Variants in CHST9 observed in about 807,000 individuals in gnomAD.
CHST9 encodes the protein carbohydrate sulfotransferase 9, also known as GalNAc-4-sulfotransferase 2.
A neutral mutation model predicts 44.4 loss-of-function variants in CHST9; 41 were observed. The observed-to-expected ratio is 0.92, with a 90% CI of 0.72 to 1.20. The LOEUF is 1.20. Ranked by LOEUF, CHST9 falls within the 50% of genes most tolerant of loss-of-function variation. CHST9 has a pLI of 0.00. For missense variants in CHST9, 504 were observed against 516.5 expected (o/e 0.98, Z 0.23); for synonymous variants, 171 against 178.4 (o/e 0.96, Z 0.33).
intron 2 of CHST9, among the ~76,000 whole-genome samples, chr18:27,071,058 C>T (rs1418614224): frequency 2.0e-5 from 3 of 152,234 alleles, no homozygotes; most frequent in East Asian, 1.9e-4. Flanking sequence ...TGCCAACTGG[C>T]GCTAGTTTCT....
chr18:27,095,635 C>A (rs946422261), intron 2 of CHST9, among the ~76,000 whole-genome samples: 1 of 152,070 alleles, frequency 6.6e-6, no homozygotes, highest in Non-Finnish European at 1.5e-5. Flanking sequence ...GCAGAGATTG[C>A]TATTCTTATA....
chr18:27,102,926 T>TTGCAATTATTA (rs2058187840), intron 2 of CHST9, among the ~76,000 whole-genome samples: 1 of 152,222 alleles, frequency 6.6e-6, no homozygotes, highest in South Asian at 2.1e-4. Flanking sequence ...AGGTAATATA[T>TTGCAATTATTA]TGCAATTATC....
intron 2 of CHST9, among the ~76,000 whole-genome samples, chr18:27,132,354 C>T (rs903113585): frequency 6.6e-6 from 1 of 152,176 alleles, no homozygotes; most frequent in East Asian, 1.9e-4. Context: ...CTGCAGATAA[C>T]ACATTTCTGA....
rs530999893 is a variant in CHST9 at position 26,912,842 on chromosome 18, C to T, written c.*3417G>A. 1 of 152,322 alleles carries T rather than the reference C, an allele frequency of 6.6e-6. No homozygotes were observed. The highest frequency in any genetic ancestry group is 2.1e-4 in the South Asian group (1 of 4,824). 9.4% of individuals were successfully genotyped at this position (152,322 alleles called of 1,614,324 possible). On this transcript the variant is annotated 3_prime_UTR_variant, in exon 6 of 6. Coordinates refer to ENST00000618847, the MANE Select transcript of CHST9 (RefSeq NM_031422.6). Reference sequence around the variant, plus strand: ...AGAAGGTATGAGCCTAAATGTAGGACTAAATTGAATTAGCCTTGGCCTAAG... The same window carrying T: ...AGAAGGTATGAGCCTAAATGTAGGATTAAATTGAATTAGCCTTGGCCTAAG...
At chr18:27,155,239 C>T (rs1389804240) in intron 1 of CHST9, among the ~76,000 whole-genome samples, 1 of 152,112 alleles carries the variant, frequency 6.6e-6, no homozygotes, top group Non-Finnish European at 1.5e-5. Context: ...AAATGATCTA[C>T]AATATTAAGA....
In CHST9 at chr18:27,112,188, G is replaced by A. The variant is rs2058277085; in HGVS notation, c.121+30501C>T. Among the ~76,000 whole-genome samples, 5 of 148,784 alleles carry A rather than the reference G, an allele frequency of 3.4e-5. No homozygotes were observed. The South Asian group carries it at 1.1e-3, about 32-fold the overall frequency. On this transcript the variant is annotated intron_variant, in intron 2 of 5. Coordinates refer to ENST00000618847, the MANE Select transcript of CHST9 (RefSeq NM_031422.6). ...ATATACCTACATGTATATATATATG[G>A]TATTGGCTCATGTTATTATGAAGGC...
chr18:26,964,417 C>T (rs2056438851), intron 4 of CHST9, among the ~76,000 whole-genome samples: 1 of 152,192 alleles, frequency 6.6e-6, no homozygotes, highest in Admixed American at 6.5e-5. Flanking sequence ...ATTCCTATTT[C>T]CCATTTAGTG....
chr18:27,124,416 G>A (rs1009447295), intron 2 of CHST9, among the ~76,000 whole-genome samples: 1 of 152,206 alleles, frequency 6.6e-6, no homozygotes, highest in African/African-American at 2.4e-5. Flanking sequence ...TAGTGCCAGA[G>A]TAAAATTTGA....
chr18:27,016,580 C>T (rs1240389642), intron 4 of CHST9, among the ~76,000 whole-genome samples: 2 of 152,164 alleles, frequency 1.3e-5, no homozygotes, highest in African/African-American at 4.8e-5. Context: ...GGTCAGGTAC[C>T]TGGACGTTTG....
chr18:27,045,557 T>C (rs1016321154), intron 3 of CHST9, among the ~76,000 whole-genome samples: 2 of 152,012 alleles, frequency 1.3e-5, no homozygotes, highest in Non-Finnish European at 2.9e-5. Flanking sequence ...GGTATTTGCC[T>C]CCTCATATGT....
intron 4 of CHST9, among the ~76,000 whole-genome samples, chr18:26,973,913 T>C (rs2056585387): frequency 1.3e-5 from 2 of 152,254 alleles, no homozygotes. Flanking sequence ...CATGCTGAGC[T>C]CTCTAATTAG....
At chr18:26,940,669 T>G (rs749671553) in intron 5 of CHST9, among the ~76,000 whole-genome samples, 13 of 152,114 alleles carry the variant, frequency 8.5e-5, no homozygotes, top group Non-Finnish European at 1.6e-4. Context: ...CCATCAGAAG[T>G]GCCCAGTGCT....
At chr18:27,146,291 G>A (rs891383283) in intron 1 of CHST9, among the ~76,000 whole-genome samples, 4 of 152,186 alleles carry the variant, frequency 2.6e-5, no homozygotes, top group African/African-American at 9.6e-5. Flanking sequence ...GCAGATGTGA[G>A]TAGGATTGAG....
chr18:27,106,828 C>T (rs1240767272), intron 2 of CHST9, among the ~76,000 whole-genome samples: 1 of 152,198 alleles, frequency 6.6e-6, no homozygotes. Context: ...TACCTGCTTA[C>T]TACCCTATTT....
Position 26,962,353 on chromosome 18 carries a change from C to T in CHST9, c.203-17987G>A, listed in dbSNP as rs150691343. ...TCGCCCAGGCTGGGGTGCAGTGGCGCGATCTCAGCACACTGCAACCTCTGC... is the reference window on the plus strand; with the variant it reads ...TCGCCCAGGCTGGGGTGCAGTGGCGTGATCTCAGCACACTGCAACCTCTGC... On this transcript the variant is annotated intron_variant, in intron 4 of 5. Transcript: ENST00000618847. 6.5e-3 allele frequency among the ~76,000 whole-genome samples: 976 copies of T among 150,658 alleles called. 5 individuals carry two copies. The highest frequency in any genetic ancestry group is 1.0e-2 in the Non-Finnish European group (677 of 67,832).
At chr18:26,919,494 T>A (rs1470117255) in intron 5 of CHST9, among the ~76,000 whole-genome samples, 3 of 152,210 alleles carry the variant, frequency 2.0e-5, no homozygotes, top group African/African-American at 7.2e-5. Context: ...AAAACTGCCA[T>A]GATATTTATA....
intron 1 of CHST9, among the ~76,000 whole-genome samples, chr18:27,168,309 C>T (rs1454314342): frequency 3.3e-5 from 5 of 152,090 alleles, no homozygotes; most frequent in Non-Finnish European, 5.9e-5. Flanking sequence ...CCCCTGACCT[C>T]GTGATCCGCC....
At position 26,917,233 on chromosome 18, in the gene CHST9, C is replaced by A. The variant is rs745679174; in HGVS notation, c.358G>T (p.Ala120Ser). 1 of 1,613,880 alleles carries A rather than the reference C, an allele frequency of 6.2e-7. No individual in the cohort carries two copies. The highest frequency in any genetic ancestry group is 2.2e-5 in the East Asian group (1 of 44,870). ...GGTGACCCTGTGGACTTACTTAAAG[C>A]TTGATCCCCTCCTTGTGAATGACTG... ...KTSHSQGGDQALSKSTGSPTE... is the reference protein window; with the variant it reads ...KTSHSQGGDQSLSKSTGSPTE... The change falls in exon 6 of 6, where the codon GCT becomes TCT. Residue 120 changes from alanine (A) to serine (S), a missense_variant. Transcript: ENST00000618847.
intron 4 of CHST9, among the ~76,000 whole-genome samples, chr18:26,992,192 C>G (rs1463527588): frequency 7.9e-6 from 1 of 127,278 alleles, no homozygotes; most frequent in Non-Finnish European, 1.8e-5. Context: ...GAACAAGAAG[C>G]TCTACTACCA....
Sources: allele counts gnomAD v4.1 joint callset (sites outside exome capture counted in the v4.1 genomes callset), GRCh38; gene constraint gnomAD v4.1.1; transcripts MANE v1.5; gene names NCBI Gene and HGNC (gene_info 2026-07-23, HGNC 2026-07-21).